LRRTM4: variants seen among roughly 807,000 people sequenced by gnomAD.
LRRTM4 encodes leucine rich repeat transmembrane neuronal 4, also known as leucine-rich repeat transmembrane neuronal protein 4.
LRRTM4 carries 25 observed loss-of-function variants against 47.6 expected under a neutral mutation model. The ratio of observed to expected loss-of-function variants is 0.53; its 90% CI spans 0.38 to 0.73. The LOEUF (loss-of-function observed/expected upper bound fraction) is 0.73. Among genes scored for constraint, LRRTM4 ranks in the 30% least tolerant of loss-of-function variants. The probability of loss-of-function intolerance (pLI) is 0.00; values close to 1 mark genes in which losing one functional copy is unlikely to be tolerated. For synonymous variants in LRRTM4, 311 were observed against 269.5 expected, an observed-to-expected ratio of 1.15 and a Z score of -1.51; for missense variants, 638 against 713.4, an observed-to-expected ratio of 0.89 and a Z score of 1.20.
At chr2:77,114,735 A>C (rs547364301) in intron 3 of LRRTM4, among the ~76,000 whole-genome samples, 2 of 152,290 alleles carry the variant, frequency 1.3e-5, no homozygotes, top group African/African-American at 4.8e-5. Flanking sequence ...TATTGGTAGG[A>C]CCATGATGGT....
intron 3 of LRRTM4, among the ~76,000 whole-genome samples, chr2:77,045,245 A>C (rs932642595): frequency 2.6e-5 from 4 of 151,866 alleles, no homozygotes; most frequent in African/African-American, 9.7e-5. Context: ...CAAATCTCAC[A>C]AAAAAAGTAG....
chr2:76,899,683 C>G (rs1673555024), intron 3 of LRRTM4, among the ~76,000 whole-genome samples: 1 of 152,004 alleles, frequency 6.6e-6, no homozygotes, highest in Admixed American at 6.6e-5. Context: ...GATGGAATTA[C>G]TAGGAATATT....
intron 3 of LRRTM4, among the ~76,000 whole-genome samples, chr2:77,140,351 C>A (rs187188088): frequency 6.6e-6 from 1 of 152,216 alleles, no homozygotes; most frequent in Non-Finnish European, 1.5e-5. Context: ...CTTTGACAAA[C>A]CTGATAAAAA....
intron 3 of LRRTM4, among the ~76,000 whole-genome samples, chr2:77,277,473 T>G (rs1053537503): frequency 6.6e-6 from 1 of 152,038 alleles, no homozygotes; most frequent in African/African-American, 2.4e-5. Flanking sequence ...TAAAAAATAT[T>G]TTCAAATACT....
intron 3 of LRRTM4, among the ~76,000 whole-genome samples, chr2:76,937,968 T>C (rs1304712620): frequency 6.6e-6 from 1 of 152,290 alleles, no homozygotes; most frequent in East Asian, 1.9e-4. Context: ...AAGGGGAATA[T>C]AATTTTGTTT....
chr2:76,786,119 C>A (rs182610684), intron 3 of LRRTM4, among the ~76,000 whole-genome samples: 2 of 152,150 alleles, frequency 1.3e-5, no homozygotes, highest in Non-Finnish European at 2.9e-5. Context: ...TCAGCTTCAT[C>A]TGGGAACTTT....
chr2:76,903,291 C>T (rs1049494643), intron 3 of LRRTM4, among the ~76,000 whole-genome samples: 1 of 152,124 alleles, frequency 6.6e-6, no homozygotes, highest in Non-Finnish European at 1.5e-5. Flanking sequence ...AATCCCAGCA[C>T]TTTGGGAGGC....
chr2:77,040,823 C>T (rs1047593419), intron 3 of LRRTM4, among the ~76,000 whole-genome samples: 1 of 151,366 alleles, frequency 6.6e-6, no homozygotes, highest in Non-Finnish European at 1.5e-5. Flanking sequence ...GATAATTATA[C>T]ATATTGATGG....
At chr2:77,521,202 G>T (rs1451816950) in intron 2 of LRRTM4, among the ~76,000 whole-genome samples, 2 of 151,922 alleles carry the variant, frequency 1.3e-5, no homozygotes, top group Non-Finnish European at 2.9e-5. Context: ...TGGAAATTCG[G>T]AAGCTGTGTT....
At chr2:77,082,160 C>T (rs1397477586) in intron 3 of LRRTM4, among the ~76,000 whole-genome samples, 1 of 152,014 alleles carries the variant, frequency 6.6e-6, no homozygotes, top group African/African-American at 2.4e-5. Context: ...ACTTTTCTGT[C>T]CTAATTTCTT....
intron 3 of LRRTM4, among the ~76,000 whole-genome samples, chr2:77,266,166 G>T (rs963240086): frequency 5.9e-5 from 9 of 152,284 alleles, no homozygotes; most frequent in Middle Eastern, 3.4e-3. Flanking sequence ...AAGCCTTAAA[G>T]AATTACTATA....
intron 3 of LRRTM4, among the ~76,000 whole-genome samples, chr2:77,118,198 A>G (rs1671437622): frequency 1.3e-5 from 2 of 151,780 alleles, no homozygotes; most frequent in Admixed American, 1.3e-4. Flanking sequence ...CACCACTGAG[A>G]GTAAGGCTCA....
At position 77,478,084 on chromosome 2, in the gene LRRTM4, A is replaced by G. The variant is rs796746845; in HGVS notation, c.1551+40234T>C. ...GGCTACATATATTCTAAACTGCTAAATTTAAATTAAGATTTTACAGAATCA... is the reference window on the plus strand; with the variant it reads ...GGCTACATATATTCTAAACTGCTAAGTTTAAATTAAGATTTTACAGAATCA... On this transcript the variant is annotated intron_variant, in intron 3 of 3. Transcript: ENST00000409884. 1.1e-4 allele frequency among the ~76,000 whole-genome samples: 16 copies of G among 149,936 alleles called. 1 individual carries two copies. The highest frequency in any genetic ancestry group is 3.8e-4 in the African/African-American group (15 of 39,360).
chr2:77,135,840 G>A (rs1204931160), intron 3 of LRRTM4, among the ~76,000 whole-genome samples: 1 of 152,100 alleles, frequency 6.6e-6, no homozygotes, highest in Admixed American at 6.5e-5. Flanking sequence ...TTCAATGTAA[G>A]AAGAATGTAA....
intron 3 of LRRTM4, among the ~76,000 whole-genome samples, chr2:76,905,079 GC>G (rs1673778340): frequency 6.6e-6 from 1 of 152,136 alleles, no homozygotes; most frequent in Admixed American, 6.5e-5. Context: ...CCACTGAGCA[GC>G]CTAACTAGGA....
At chr2:76,879,646 T>G (rs1672873683) in intron 3 of LRRTM4, among the ~76,000 whole-genome samples, 1 of 152,210 alleles carries the variant, frequency 6.6e-6, no homozygotes, top group Non-Finnish European at 1.5e-5. Flanking sequence ...AGCCCATGGA[T>G]CAAATAATTT....
intron 3 of LRRTM4, among the ~76,000 whole-genome samples, chr2:76,786,103 T>C (rs1674655932): frequency 6.6e-6 from 1 of 152,100 alleles, no homozygotes; most frequent in South Asian, 2.1e-4. Context: ...AACCCTCACC[T>C]CAACTTCAGC....
intron 3 of LRRTM4, among the ~76,000 whole-genome samples, chr2:76,971,503 A>G (rs1238301939): frequency 3.3e-5 from 5 of 152,056 alleles, no homozygotes; most frequent in Admixed American, 6.6e-5. Flanking sequence ...CCAGACAGGT[A>G]ACTGGCATCA....
At chr2:76,775,876 T>C (rs1673956563) in intron 3 of LRRTM4, among the ~76,000 whole-genome samples, 2 of 152,112 alleles carry the variant, frequency 1.3e-5, no homozygotes, top group African/African-American at 2.4e-5. Context: ...CATCTAGCAT[T>C]AGGTATGTCT....
Sources: gnomAD v4.1 joint callset for allele counts (sites outside exome capture counted in the v4.1 genomes callset) on GRCh38, gnomAD v4.1.1 for gene constraint, MANE v1.5 for transcripts, NCBI Gene and HGNC (gene_info 2026-07-23, HGNC 2026-07-21) for gene names.